GPC6: variants seen among roughly 807,000 people sequenced by gnomAD.
GPC6 encodes the protein glypican-6.
GPC6 carries 14 observed loss-of-function variants against 55.2 expected under a neutral mutation model. That is an observed-to-expected ratio of 0.25 (90% CI 0.17 to 0.40). The LOEUF is 0.40. Ranked by LOEUF, GPC6 falls within the 10% of genes least tolerant of loss-of-function variation. The pLI is 1.00. For synonymous variants in GPC6, 278 were observed against 259.6 expected (o/e 1.07, Z -0.68); for missense variants, 641 against 708.5 (o/e 0.90, Z 1.08).
intron 4 of GPC6, among the ~76,000 whole-genome samples, chr13:94,137,629 G>T (rs1355866251): frequency 6.6e-6 from 1 of 152,138 alleles, no homozygotes; most frequent in Non-Finnish European, 1.5e-5. Context: ...TGTGATGGTT[G>T]CTATATGAAA....
intron 1 of GPC6, among the ~76,000 whole-genome samples, chr13:93,319,695 G>T (rs1594093895): frequency 6.6e-6 from 1 of 152,108 alleles, no homozygotes; most frequent in Non-Finnish European, 1.5e-5. Context: ...TAAGTCCCAG[G>T]ACGGAAGGAA....
At chr13:93,333,208 C>CT (rs553860917) in intron 1 of GPC6, among the ~76,000 whole-genome samples, 1 of 151,970 alleles carries the variant, frequency 6.6e-6, no homozygotes, top group Non-Finnish European at 1.5e-5. Context: ...CATTTTAGGA[C>CT]TTTTTTTCTG....
At chr13:93,608,857 C>T (rs1878350603) in intron 2 of GPC6, among the ~76,000 whole-genome samples, 1 of 152,154 alleles carries the variant, frequency 6.6e-6, no homozygotes, top group African/African-American at 2.4e-5. Context: ...CCATATGGGT[C>T]TTTGAGATTC....
At chr13:93,358,075 C>T (rs1049668849) in intron 1 of GPC6, among the ~76,000 whole-genome samples, 4 of 151,944 alleles carry the variant, frequency 2.6e-5, no homozygotes, top group Admixed American at 6.6e-5. Flanking sequence ...TGGCCGGGTA[C>T]GGTGGCTCAT....
chr13:94,067,142 T>C (rs1037467781), intron 4 of GPC6, among the ~76,000 whole-genome samples: 3 of 152,182 alleles, frequency 2.0e-5, no homozygotes, highest in Admixed American at 1.3e-4. Flanking sequence ...TTCTTCTTAA[T>C]TGAAAAATAC....
chr13:93,872,932 TTTG>T (rs1889175253), intron 3 of GPC6, among the ~76,000 whole-genome samples: 1 of 151,950 alleles, frequency 6.6e-6, no homozygotes, highest in Non-Finnish European at 1.5e-5. Context: ...GAAACCTAAC[TTTG>T]TGCTAAAAAT....
At chr13:94,334,915 G>T (rs911594834) in intron 6 of GPC6, among the ~76,000 whole-genome samples, 3 of 152,138 alleles carry the variant, frequency 2.0e-5, no homozygotes, top group East Asian at 1.9e-4. Flanking sequence ...GCTAATTGAT[G>T]GTGATTGGGT....
chr13:93,719,497 G>A (rs1207621036), intron 2 of GPC6, among the ~76,000 whole-genome samples: 1 of 151,990 alleles, frequency 6.6e-6, no homozygotes, highest in Non-Finnish European at 1.5e-5. Context: ...AGACAATGAG[G>A]TTTTCTAAAT....
chr13:94,321,795 C>A (rs1032784291), intron 6 of GPC6, among the ~76,000 whole-genome samples: 4 of 152,182 alleles, frequency 2.6e-5, no homozygotes, highest in Admixed American at 2.6e-4. Flanking sequence ...CAGGCCTGAG[C>A]CTATGGACCC....
At chr13:94,261,700 C>T (rs867368148) in intron 4 of GPC6, among the ~76,000 whole-genome samples, 3 of 152,170 alleles carry the variant, frequency 2.0e-5, no homozygotes, top group African/African-American at 7.2e-5. Flanking sequence ...CAGGAGGAGA[C>T]AGAGACATAG....
chr13:93,340,026 CTTTTTTTTTTTTTT>C (rs10714044), intron 1 of GPC6, among the ~76,000 whole-genome samples: 20 of 81,618 alleles, frequency 2.5e-4, no homozygotes, highest in Non-Finnish European at 1.5e-4. Flanking sequence ...AGTTTTCTTT[CTTTTTTTTTTTTTT>C]TTTTTTTTTT....
intron 5 of GPC6, among the ~76,000 whole-genome samples, chr13:94,288,961 A>AGATAGATAGATAGATAGATAGATC (rs1555316177): frequency 5.3e-5 from 7 of 131,168 alleles, no homozygotes; most frequent in African/African-American, 2.0e-4. Flanking sequence ...ATATATAGAT[A>AGATAGATAGATAGATAGATAGATC]GATAGATAGA....
chr13:93,944,957 T>C (rs1023390011), intron 3 of GPC6, among the ~76,000 whole-genome samples: 1 of 152,086 alleles, frequency 6.6e-6, no homozygotes, highest in African/African-American at 2.4e-5. Flanking sequence ...CGATGTAAAT[T>C]TGCATCCCAG....
intron 1 of GPC6, among the ~76,000 whole-genome samples, chr13:93,375,564 C>T (rs191449156): frequency 6.6e-6 from 1 of 152,142 alleles, no homozygotes; most frequent in African/African-American, 2.4e-5. Flanking sequence ...CTCCTGCCAC[C>T]GTTTTACTAC....
intron 4 of GPC6, among the ~76,000 whole-genome samples, chr13:94,097,497 ACT>A (rs1885708394): frequency 1.6e-5 from 2 of 127,190 alleles, no homozygotes; most frequent in South Asian, 5.1e-4. Context: ...ACAGAGCAAG[ACT>A]CTGTCTCAAA....
intron 1 of GPC6, among the ~76,000 whole-genome samples, chr13:93,540,967 G>T (rs754390827): frequency 1.3e-5 from 2 of 151,824 alleles, no homozygotes; most frequent in South Asian, 2.1e-4. Context: ...TCGCTATTTC[G>T]CTTAACATAA....
At chr13:93,491,805 A>T (rs1215467347) in intron 1 of GPC6, among the ~76,000 whole-genome samples, 2 of 128,524 alleles carry the variant, frequency 1.6e-5, no homozygotes, top group African/African-American at 2.9e-5. Context: ...TATTTTTCTG[A>T]GGTTTGTCAA....
At chr13:93,771,719 T>TA (rs1885304115) in intron 2 of GPC6, among the ~76,000 whole-genome samples, 1 of 120,140 alleles carries the variant, frequency 8.3e-6, no homozygotes. Flanking sequence ...ACTTAAAGTA[T>TA]AATAATAATA....
chr13:93,480,122 C>T (rs1879461509), intron 1 of GPC6, among the ~76,000 whole-genome samples: 1 of 152,098 alleles, frequency 6.6e-6, no homozygotes. Flanking sequence ...TACTTTAATT[C>T]CCACCTGTGG....
Sources: allele counts gnomAD v4.1 joint callset (sites outside exome capture counted in the v4.1 genomes callset), GRCh38; gene constraint gnomAD v4.1.1; transcripts MANE v1.5; gene names NCBI Gene and HGNC (gene_info 2026-07-23, HGNC 2026-07-21).